The following NEB variants were observed in gnomAD, a reference collection of about 807,000 sequenced individuals.
The protein encoded by NEB is nebulin.
In NEB, 512 loss-of-function variants were observed where a neutral mutation model predicts 952.2. That is an observed-to-expected ratio of 0.54 (90% CI 0.50 to 0.58). The LOEUF (loss-of-function observed/expected upper bound fraction) is 0.58, where lower values mean the gene tolerates loss of function less well. Among genes scored for constraint, NEB ranks in the 20% least tolerant of loss-of-function variants. NEB has a pLI of 0.00. For missense variants in NEB, 8,428 were observed against 9,231.1 expected (o/e 0.91, Z 3.56); for synonymous variants, 2,900 against 3,149.8 (o/e 0.92, Z 2.66).
At chr2:151,720,485 C>CT (rs2099771275) in intron 9 of NEB, among the ~76,000 whole-genome samples, 3 of 152,234 alleles carry the variant, frequency 2.0e-5, no homozygotes, top group South Asian at 2.1e-4. Flanking sequence ...ACTGTCACAT[C>CT]TTTTTGAGGA....
chr2:151,505,820 G>T, intron 164 of NEB: 1 of 554,196 alleles, frequency 1.8e-6, no homozygotes, highest in African/African-American at 1.9e-5. Context: ...TTAGACTGCA[G>T]CCCTTTCCTG....
intron 179 of NEB, 58 bp from the exon 180 acceptor site, chr2:151,490,576 G>T: frequency 1.9e-6 from 3 of 1,554,960 alleles, no homozygotes; most frequent in Non-Finnish European, 2.6e-6. Context: ...TGGTAGTAAT[G>T]CCTAACAGTG....
rs2153354790 is a variant in NEB, at chr2:151,516,513, G to A, written c.22851C>T (p.Asp7617=). 6.2e-7 allele frequency: 1 copy of A among 1,613,566 alleles called. No individual in the cohort carries two copies. The change falls in exon 157 of 182, where the codon GAC becomes GAT. Residue 7617 remains aspartate (D), a synonymous_variant. Coordinates refer to ENST00000397345, the MANE Select transcript of NEB (RefSeq NM_001164508.2). ...YEKERGKPML[D]FETPTYITAK... ...CAGTGATGTACGTTGGTGTTTCAAA[G>A]TCCAGCATGGGTTTTCCTCGTTCCT... is the stretch of plus-strand genomic sequence containing the variant.
intron 153 of NEB, among the ~76,000 whole-genome samples, chr2:151,520,874 T>C (rs543755429): frequency 6.6e-6 from 1 of 152,010 alleles, no homozygotes; most frequent in Non-Finnish European, 1.5e-5. Flanking sequence ...ACAAAATAAA[T>C]AAGAGGATTT....
intron 11 of NEB, 45 bp downstream of exon 11, chr2:151,710,389 G>T (rs1457791395): frequency 3.0e-6 from 4 of 1,353,668 alleles, no homozygotes; most frequent in Non-Finnish European, 4.2e-6. Context: ...AAGGAAAGGG[G>T]TCTCCCTCCC....
At position 151,644,526 on chromosome 2, in the gene NEB, A is replaced by T. The variant is rs1342045201; in HGVS notation, c.7586T>A (p.Leu2529His). 6.2e-7 allele frequency: 1 copy of T among 1,613,864 alleles called. No individual in the cohort carries two copies. The highest frequency in any genetic ancestry group is 8.5e-7 in the Non-Finnish European group (1 of 1,179,858). Reference protein sequence around the residue: ...YEELKRKGYDLPVDAIPIKAA... With the variant: ...YEELKRKGYDHPVDAIPIKAA... Reference sequence around the variant, plus strand: ...TTTGATTGGTATGGCATCAACAGGAAGATCGTAACCTTTTCTCTTCAGCTC... The same window carrying T: ...TTTGATTGGTATGGCATCAACAGGATGATCGTAACCTTTTCTCTTCAGCTC... Residue 2529 changes from leucine to histidine, a missense_variant, in exon 56 of 182, where the codon CTT (leucine) becomes CAT (histidine). Leu to His is a moderately conservative substitution (Grantham distance 99). Coordinates refer to ENST00000397345, the MANE Select transcript of NEB (RefSeq NM_001164508.2).
At chr2:151,524,277 A>C in intron 153 of NEB, 34 bp downstream of exon 153, 1 of 1,557,668 alleles carries the variant, frequency 6.4e-7, no homozygotes, top group Non-Finnish European at 8.8e-7. Flanking sequence ...TAATCTCCTC[A>C]CATGAGAGCC....
Position 151,625,921 on chromosome 2 carries a change from C to G in NEB, c.10348-283G>C, listed in dbSNP as rs192356492. Among the ~76,000 whole-genome samples, 19 of 152,202 alleles carry G rather than the reference C, an allele frequency of 1.2e-4. No homozygotes were observed. In the East Asian group the frequency reaches 3.7e-3, roughly 29 times the overall value. ...GTTTGGTAACCAGGTCACTCTCACCCCAATTAAATAAAAAGCAAGTATTTC... is the reference window on the plus strand; with the variant it reads ...GTTTGGTAACCAGGTCACTCTCACCGCAATTAAATAAAAAGCAAGTATTTC... On this transcript the variant is annotated intron_variant, in intron 70 of 181. Transcript: ENST00000397345.
chr2:151,688,970 G>A (rs2099524346), intron 24 of NEB, among the ~76,000 whole-genome samples: 1 of 152,052 alleles, frequency 6.6e-6, no homozygotes, highest in South Asian at 2.1e-4. Context: ...TTGACTGCAG[G>A]TAACTGAAAT....
rs776265168 is a variant in NEB, at chr2:151,644,567, G to C, written c.7545C>G (p.Tyr2515Ter). Residue 2515 changes from tyrosine to a stop codon, truncating the protein, a stop_gained, in exon 56 of 182, where the codon TAC becomes TAG. Transcript: ENST00000397345. LOFTEE classifies it high-confidence loss of function. Reference sequence around the variant, plus strand: ...TCTTCAGCTCCTCATAACCCATTCGGTAGAGTTTCTGTTAAGAAATGAAGA... The same window carrying C: ...TCTTCAGCTCCTCATAACCCATTCGCTAGAGTTTCTGTTAAGAAATGAAGA... ...ANLINTSDKLYRMGYEELKRK... is the reference protein window; with the variant it reads ...ANLINTSDKL The C allele has an allele frequency of 6.2e-7, 1 of 1,612,370 alleles. No homozygotes were observed. Among genetic ancestry groups the C allele is most frequent in the Non-Finnish European group, 8.5e-7 (1 of 1,178,462 alleles).
chr2:151,558,359 T>C (rs1293259200), intron 124 of NEB, among the ~76,000 whole-genome samples: 1 of 152,078 alleles, frequency 6.6e-6, no homozygotes, highest in African/African-American at 2.4e-5. Context: ...CTCAAGGAAC[T>C]AAGAGAGGAC....
rs138217960 is a variant in NEB, at chr2:151,567,437, C to T, written c.17887G>A (p.Val5963Ile). 6.0e-4 allele frequency: 973 copies of T among 1,613,362 alleles called. 9 individuals carry two copies. The East Asian group carries it at 0.02, about 33-fold the overall frequency. ...AEHVKQKGHYVGVPTMRDDPK... is the reference protein window; with the variant it reads ...AEHVKQKGHYIGVPTMRDDPK... ...TCATCTCTCATCGTCGGGACACCAA[C>T]ATAATGACCTTTTTGCTTCACATGT... is the stretch of plus-strand genomic sequence containing the variant. The change falls in exon 114 of 182, where the codon GTT (valine) becomes ATT (isoleucine). Residue 5963 changes from valine (V) to isoleucine (I), a missense_variant. Val to Ile is a conservative substitution (Grantham distance 29). Around this residue, in one of 11 missense-constraint regions of NEB, gnomAD observed 3,374 missense variants for 3,651.5 expected, o/e 0.92. Coordinates refer to ENST00000397345, the MANE Select transcript of NEB (RefSeq NM_001164508.2).
intron 135 of NEB, 74 bp from the exon 136 acceptor site, chr2:151,541,625 G>A (rs914951210): frequency 8.6e-7 from 1 of 1,166,440 alleles, no homozygotes; most frequent in Non-Finnish European, 1.3e-6. Context: ...TGCCTTCACT[G>A]CTTTTACATA....
At chr2:151,687,283 G>A (rs2099510057) in intron 27 of NEB, 136 bp downstream of exon 27, 1 of 703,778 alleles carries the variant, frequency 1.4e-6, no homozygotes, top group African/African-American at 1.8e-5. Context: ...TCATTCTGAA[G>A]TTCTCTACAG....
At chr2:151,535,569 T>G (rs1429996013) in intron 142 of NEB, 122 bp downstream of exon 142, 1 of 602,842 alleles carries the variant, frequency 1.7e-6, no homozygotes, top group East Asian at 3.0e-5. Context: ...AAATCTTTAG[T>G]TAAAATGAAA....
intron 64 of NEB, among the ~76,000 whole-genome samples, chr2:151,634,468 C>T (rs1051820159): frequency 6.6e-6 from 1 of 151,974 alleles, no homozygotes; most frequent in East Asian, 1.9e-4. Flanking sequence ...ATGGTGAAAC[C>T]TCGTCTCTAC....
At chr2:151,680,507 A>G (rs1266435335) in intron 30 of NEB, among the ~76,000 whole-genome samples, 2 of 152,150 alleles carry the variant, frequency 1.3e-5, no homozygotes, top group Non-Finnish European at 2.9e-5. Flanking sequence ...TTTCCTTAGA[A>G]AGAAATGTCA....
intron 142 of NEB, among the ~76,000 whole-genome samples, chr2:151,534,648 A>G (rs2153525504): frequency 6.6e-6 from 1 of 152,364 alleles, no homozygotes; most frequent in African/African-American, 2.4e-5. Flanking sequence ...CTGATCAGCT[A>G]CAGCTTTACC....
intron 13 of NEB, among the ~76,000 whole-genome samples, chr2:151,706,074 A>G (rs544521035): frequency 1.3e-5 from 2 of 152,324 alleles, no homozygotes; most frequent in African/African-American, 4.8e-5. Flanking sequence ...CTGAAATAAA[A>G]TGTTTTTTAA....
Sources: gnomAD v4.1 joint callset for allele counts (sites outside exome capture counted in the v4.1 genomes callset) on GRCh38, gnomAD v4.1.1 for gene constraint, gnomAD v4.1.1 regional missense constraint, MANE v1.5 for transcripts, NCBI Gene and HGNC (gene_info 2026-07-23, HGNC 2026-07-21) for gene names.